CDK5RAP1: variants seen among roughly 807,000 people sequenced by gnomAD.
CDK5RAP1 encodes CDK5RAP1 mitochondrial tRNA methylthiotransferase.
CDK5RAP1 carries 62 observed loss-of-function variants against 64.5 expected under a neutral mutation model. That is an observed-to-expected ratio of 0.96 (90% CI 0.78 to 1.19). The LOEUF is 1.19. CDK5RAP1 is among the 50% of genes most tolerant of loss of function. The pLI is 0.00. For synonymous variants in CDK5RAP1, 250 were observed against 261.9 expected, an observed-to-expected ratio of 0.95 and a Z score of 0.44; for missense variants, 657 against 735.0, an observed-to-expected ratio of 0.89 and a Z score of 1.23.
chr20:33,359,877 G>C (rs1407081489), intron 13 of CDK5RAP1: 1 of 156,874 alleles, frequency 6.4e-6, no homozygotes, highest in Non-Finnish European at 1.4e-5. Flanking sequence ...TATCGCCAGT[G>C]AAAGGGAGAA....
chr20:33,387,913 A>G (rs904517276), intron 5 of CDK5RAP1, among the ~76,000 whole-genome samples: 2 of 152,032 alleles, frequency 1.3e-5, no homozygotes, highest in Non-Finnish European at 2.9e-5. Flanking sequence ...CTAAAAATAC[A>G]AAAGTACCCA....
At chr20:33,397,105 T>G (rs766166784) in intron 1 of CDK5RAP1, 21 bp from the exon 2 acceptor site, 21 of 1,543,840 alleles carry the variant, frequency 1.4e-5, no homozygotes, top group Non-Finnish European at 1.7e-5. Context: ...ATGACAGACA[T>G]CACCAGCATT....
At chr20:33,375,138 A>G (rs1985775479) in intron 8 of CDK5RAP1, among the ~76,000 whole-genome samples, 1 of 152,050 alleles carries the variant, frequency 6.6e-6, no homozygotes, top group African/African-American at 2.4e-5. Context: ...GCAGTGGCTC[A>G]TGCTTGTAAT....
At chr20:33,366,351 G>T (rs899862823) in intron 12 of CDK5RAP1, among the ~76,000 whole-genome samples, 10 of 149,912 alleles carry the variant, frequency 6.7e-5, no homozygotes, top group African/African-American at 2.2e-4. Context: ...GCCGGGCACG[G>T]TGGCTCATGC....
intron 7 of CDK5RAP1, 91 bp from the exon 8 acceptor site, chr20:33,379,782 T>A (rs1986510905): frequency 1.0e-6 from 1 of 975,926 alleles, no homozygotes; most frequent in Non-Finnish European, 1.5e-6. Context: ...TTAACATATC[T>A]TTTGTTTTAA....
At chr20:33,361,693 G>A (rs545128612) in intron 12 of CDK5RAP1, among the ~76,000 whole-genome samples, 10 of 116 alleles carry the variant, frequency 0.086, no homozygotes, top group South Asian at 0.33. Flanking sequence ...AGTGGCTCAC[G>A]CCTGTTAATT....
In CDK5RAP1 at chr20:33,395,109, G is replaced by A. The variant is rs771286305; in HGVS notation, c.312C>T (p.Leu104=). ...ELLGRQRKVY[L]ETYGCQMNVN... Reference sequence around the variant, plus strand: ...CATTCATCTGGCAGCCATAGGTCTCGAGGTAGACTGCAGTGAGAGGTTGGG... The same window carrying A: ...CATTCATCTGGCAGCCATAGGTCTCAAGGTAGACTGCAGTGAGAGGTTGGG... The change falls in exon 3 of 14, where the codon CTC becomes CTT. Residue 104 remains leucine, a synonymous_variant. Coordinates refer to ENST00000346416, the MANE Select transcript of CDK5RAP1 (RefSeq NM_016408.4). 20 of 1,603,248 alleles carry A rather than the reference G, an allele frequency of 1.2e-5. No homozygotes were observed. Among genetic ancestry groups the A allele is most frequent in the Middle Eastern group, 3.3e-4 (2 of 5,978 alleles).
chr20:33,384,451 T>C (rs571797743), intron 7 of CDK5RAP1, among the ~76,000 whole-genome samples: 3 of 152,212 alleles, frequency 2.0e-5, no homozygotes, highest in South Asian at 4.2e-4. Flanking sequence ...GAGACAACTT[T>C]AGACCAGGAA....
chr20:33,391,352 A>T (rs2146706747), intron 5 of CDK5RAP1, among the ~76,000 whole-genome samples: 1 of 152,006 alleles, frequency 6.6e-6, no homozygotes, highest in East Asian at 1.9e-4. Flanking sequence ...ATGTGTGGCT[A>T]CTGAGAAGTT....
At chr20:33,401,395 T>TGCGCAGCCCACCCCGGCGGCC in intron 1 of CDK5RAP1, 33 bp downstream of exon 1, 1 of 985,334 alleles carries the variant, frequency 1.0e-6, no homozygotes, top group Non-Finnish European at 1.2e-6. Context: ...CAAAAGCGGG[T>TGCGCAGCCCACCCCGGCGGCC]GCGCAGCCCA....
chr20:33,393,901 T>C lies in CDK5RAP1; in HGVS notation c.443+131A>G, dbSNP rs1988609164. The C allele has an allele frequency of 1.3e-5, 9 of 717,692 alleles. No homozygotes were observed. The Admixed American group carries it at 1.5e-4, about 12-fold the overall frequency. The allele number at this position is 717,692 out of a possible 1,614,324, so 44.5% of individuals were successfully genotyped here. On this transcript the variant is annotated intron_variant, in intron 4 of 13. Transcript: ENST00000346416. ...CCAGTTGTATAAAGACTATCTCCACTGTGGGAAAACTGCAAGTCCTACTGC... is the reference window on the plus strand; with the variant it reads ...CCAGTTGTATAAAGACTATCTCCACCGTGGGAAAACTGCAAGTCCTACTGC...
At position 33,387,391 on chromosome 20, in the gene CDK5RAP1, G is replaced by A. The variant is rs757438038; in HGVS notation, c.687C>T (p.Leu229=). 3 of 1,614,194 alleles carry A rather than the reference G, an allele frequency of 1.9e-6. No individual in the cohort carries two copies. Among genetic ancestry groups the A allele is most frequent in the Admixed American group, 1.7e-5 (1 of 60,020 alleles). ...ESGQQAANVL[L]SLDETYADVM... is the part of the protein sequence containing the mutation. ...CATCAGCATAGGTCTCGTCCAGAGA[G>A]AGCAGCACGTTGGCAGCTTGCTGGC... Residue 229 remains leucine (L), a synonymous_variant, in exon 6 of 14, where the codon CTC becomes CTT. Coordinates refer to ENST00000346416, the MANE Select transcript of CDK5RAP1 (RefSeq NM_016408.4).
At chr20:33,389,682 G>C (rs556511227) in intron 5 of CDK5RAP1, among the ~76,000 whole-genome samples, 1 of 152,128 alleles carries the variant, frequency 6.6e-6, no homozygotes, top group East Asian at 1.9e-4. Flanking sequence ...CCTTCTGCCC[G>C]GCCGCCACCC....
rs1039640971 is a variant in CDK5RAP1, at chr20:33,391,279, C to T, written c.544+863G>A. 7.8e-5 allele frequency among the ~76,000 whole-genome samples: 11 copies of T among 141,740 alleles called. No individual in the cohort carries two copies. The South Asian group carries it at 2.5e-3, about 32-fold the overall frequency. The allele number at this position is 141,740 out of a possible 152,430, so 93.0% of individuals were successfully genotyped here. A position where few individuals can be genotyped will look rare whatever the true frequency, so the allele number is the denominator to read the frequency against. ...AAAAAAAAAAAAAAAAAAAGGATGA[C>T]AGAGTGTGCTGGATGGAAAAATAAT... On this transcript the variant is annotated intron_variant, in intron 5 of 13. Transcript: ENST00000346416.
chr20:33,394,258 G>C (rs909044313), intron 3 of CDK5RAP1, among the ~76,000 whole-genome samples, 192 bp from the exon 4 acceptor site: 4 of 151,250 alleles, frequency 2.6e-5, no homozygotes, highest in Non-Finnish European at 5.9e-5. Context: ...CTCCCGAGCG[G>C]TTCAAGCAAT....
At chr20:33,365,823 T>C (rs1983818718) in intron 12 of CDK5RAP1, among the ~76,000 whole-genome samples, 1 of 152,182 alleles carries the variant, frequency 6.6e-6, no homozygotes, top group African/African-American at 2.4e-5. Context: ...GCGCAGTTCC[T>C]GGCAGACGGT....
At chr20:33,388,621 C>G (rs1465249627) in intron 5 of CDK5RAP1, among the ~76,000 whole-genome samples, 1 of 146,446 alleles carries the variant, frequency 6.8e-6, no homozygotes, top group East Asian at 2.1e-4. Flanking sequence ...CCGTCTCCCT[C>G]TCTTTCCACT....
At chr20:33,381,613 G>A (rs1986758734) in intron 7 of CDK5RAP1, among the ~76,000 whole-genome samples, 1 of 152,038 alleles carries the variant, frequency 6.6e-6, no homozygotes, top group Non-Finnish European at 1.5e-5. Flanking sequence ...TTTTTTAGTA[G>A]AGACGGGTTT....
At chr20:33,392,113 G>C in intron 5 of CDK5RAP1, 29 bp downstream of exon 5, 2 of 1,410,116 alleles carry the variant, frequency 1.4e-6, no homozygotes, top group Non-Finnish European at 2.0e-6. Flanking sequence ...AAGTTTCAAA[G>C]CTGACAAAAT....
Sources: allele counts gnomAD v4.1 joint callset (sites outside exome capture counted in the v4.1 genomes callset), GRCh38; gene constraint gnomAD v4.1.1; transcripts MANE v1.5; gene names NCBI Gene and HGNC (gene_info 2026-07-23, HGNC 2026-07-21).